LYN: variants seen among roughly 807,000 people sequenced by gnomAD.
The protein encoded by LYN is LYN proto-oncogene, Src family tyrosine kinase.
A neutral mutation model predicts 65.0 loss-of-function variants in LYN; 12 were observed. The ratio of observed to expected loss-of-function variants is 0.18; its 90% CI spans 0.12 to 0.30. LYN has a LOEUF of 0.30. LYN is among the 10% of genes least tolerant of loss of function. The pLI is 1.00. For missense variants in LYN, 380 were observed against 623.2 expected (o/e 0.61, Z 4.16); for synonymous variants, 222 against 221.2 (o/e 1.00, Z -0.03).
At chr8:55,915,452 C>T (rs1402216655) in intron 1 of LYN, among the ~76,000 whole-genome samples, 1 of 152,208 alleles carries the variant, frequency 6.6e-6, no homozygotes, top group East Asian at 1.9e-4. Context: ...TGCCTGTAAT[C>T]CCAACACTTT....
At position 55,950,571 on chromosome 8, in the gene LYN, T is replaced by G. The variant is rs1406272450; in HGVS notation, c.383+14T>G. 6.2e-7 allele frequency: 1 copy of G among 1,607,086 alleles called. No homozygotes were observed. Among genetic ancestry groups the G allele is most frequent in the Non-Finnish European group, 8.5e-7 (1 of 1,174,174 alleles). On this transcript the variant is annotated intron_variant, in intron 5 of 12. Transcript: ENST00000519728. The stretch of plus-strand genomic sequence containing the variant: ...AGAAACAGAAGAGTGAGTCCTCATG[T>G]GTTGTCATCTTGGTGGCTTTATTTG...
At chr8:55,997,396 AT>A (rs1355250851) in intron 10 of LYN, among the ~76,000 whole-genome samples, 2 of 152,134 alleles carry the variant, frequency 1.3e-5, no homozygotes, top group African/African-American at 4.8e-5. Context: ...AGAGACATTT[AT>A]TTCCCACAGT....
intron 10 of LYN, among the ~76,000 whole-genome samples, chr8:55,982,181 T>C (rs900094617): frequency 6.6e-6 from 1 of 152,218 alleles, no homozygotes; most frequent in African/African-American, 2.4e-5. Context: ...TGTAACATCA[T>C]TATCTGGCAA....
At chr8:55,945,773 T>G (rs1302705030) in intron 2 of LYN, among the ~76,000 whole-genome samples, 1 of 152,244 alleles carries the variant, frequency 6.6e-6, no homozygotes, top group Admixed American at 6.5e-5. Context: ...GTCCCTGTGA[T>G]GGAGTCAGGG....
rs183241306 is a variant in LYN at position 55,974,919 on chromosome 8, G to A, written c.1050+5126G>A. 1.9e-3 allele frequency among the ~76,000 whole-genome samples: 285 copies of A among 152,160 alleles called. 4 individuals are homozygous for A. The highest frequency in any genetic ancestry group is 6.3e-3 in the African/African-American group (263 of 41,508). On this transcript the variant is annotated intron_variant, in intron 10 of 12. Coordinates refer to ENST00000519728, the MANE Select transcript of LYN (RefSeq NM_002350.4). The stretch of plus-strand genomic sequence containing the variant: ...GCCGCAGGTGATTGACATGGTTTGC[G>A]GTTTAACCAGGAGGCCAGATCCGCT...
intron 1 of LYN, among the ~76,000 whole-genome samples, chr8:55,880,607 G>C (rs970289142): frequency 1.1e-4 from 17 of 152,208 alleles, no homozygotes; most frequent in African/African-American, 3.6e-4. Flanking sequence ...GGCTCGGCCG[G>C]CGCCCTCTCG....
chr8:55,955,190 C>CAT (rs1810477806), intron 8 of LYN: 1 of 152,290 alleles, frequency 6.6e-6, no homozygotes, highest in African/African-American at 2.4e-5. Context: ...CCCCTGGGAT[C>CAT]ATAGCCTTGC....
chr8:55,914,768 A>G (rs952158723), intron 1 of LYN, among the ~76,000 whole-genome samples: 1 of 152,226 alleles, frequency 6.6e-6, no homozygotes, highest in African/African-American at 2.4e-5. Flanking sequence ...TTGGTAAAAT[A>G]AGAAAGGCCA....
chr8:55,888,653 C>T (rs530230236), intron 1 of LYN, among the ~76,000 whole-genome samples: 22 of 152,250 alleles, frequency 1.4e-4, no homozygotes, highest in Admixed American at 1.3e-3. Context: ...AGCTTGTAAT[C>T]GTCATCTGCA....
Position 55,880,052 on chromosome 8 carries a change from G to T in LYN, c.-57G>T. ...GCCGCCCCGTCGCGCCCCCCACTCT[G>T]AACTCAAGTCACCGTGGAGCTCCGC... On this transcript the variant is annotated 5_prime_UTR_variant, in exon 1 of 13. Coordinates refer to ENST00000519728, the MANE Select transcript of LYN (RefSeq NM_002350.4). 2 of 318,360 alleles carry T rather than the reference G, an allele frequency of 6.3e-6. No individual in the cohort carries two copies. Among genetic ancestry groups the T allele is most frequent in the South Asian group, 2.2e-5 (1 of 44,752 alleles). 19.7% of individuals were successfully genotyped at this position (318,360 alleles called of 1,614,324 possible). A position where few individuals can be genotyped will look rare whatever the true frequency, so the allele number is the denominator to read the frequency against.
At chr8:56,008,960 T>G (rs1808745577) in intron 12 of LYN, among the ~76,000 whole-genome samples, 1 of 152,232 alleles carries the variant, frequency 6.6e-6, no homozygotes, top group Non-Finnish European at 1.5e-5. Flanking sequence ...GTCCTTCAGA[T>G]TAACTGAACC....
rs772624538 is a variant in LYN at position 55,950,456 on chromosome 8, T to C, written c.285-3T>C. ...TTCTTTTTGATGTGTATTTCTATTC[T>C]AGGCATGGAGAATGGTGGAAAGCAA... On this transcript the variant is annotated splice_polypyrimidine_tract_variant and splice_region_variant and intron_variant, in intron 4 of 12. Coordinates refer to ENST00000519728, the MANE Select transcript of LYN (RefSeq NM_002350.4). 8 of 1,602,742 alleles carry C rather than the reference T, an allele frequency of 5.0e-6. No individual in the cohort carries two copies. Among genetic ancestry groups the C allele is most frequent in the Non-Finnish European group, 6.0e-6 (7 of 1,174,094 alleles).
chr8:55,999,808 C>T (rs997912204), intron 12 of LYN, among the ~76,000 whole-genome samples: 2 of 151,944 alleles, frequency 1.3e-5, no homozygotes, highest in African/African-American at 4.8e-5. Flanking sequence ...CCCGTCTCTA[C>T]TAAAATTACA....
intron 3 of LYN, among the ~76,000 whole-genome samples, chr8:55,946,704 G>T (rs1454728890): frequency 6.6e-6 from 1 of 152,014 alleles, no homozygotes; most frequent in Non-Finnish European, 1.5e-5. Flanking sequence ...TCTCCAGAAT[G>T]CATCTTCTCA....
At chr8:55,961,224 T>C (rs1013052440) in intron 8 of LYN, among the ~76,000 whole-genome samples, 1 of 152,180 alleles carries the variant, frequency 6.6e-6, no homozygotes, top group Non-Finnish European at 1.5e-5. Flanking sequence ...ATTAGAGTGC[T>C]CTCAAGGTGC....
Position 55,935,160 on chromosome 8 carries a change from A to G in LYN, c.-5-6695A>G, listed in dbSNP as rs143502905. On this transcript the variant is annotated intron_variant, in intron 1 of 12. Transcript: ENST00000519728. ...CCCCCAAACACTGTTCCTATTACACATGACATTTAAACCTTAGGGAGTTAC... is the reference window on the plus strand; with the variant it reads ...CCCCCAAACACTGTTCCTATTACACGTGACATTTAAACCTTAGGGAGTTAC... Among the ~76,000 whole-genome samples the G allele has an allele frequency of 1.1e-4, 17 of 152,344 alleles. No individual in the cohort carries two copies. In the East Asian group the frequency reaches 3.1e-3, roughly 28 times the overall value.
chr8:55,892,742 C>A (rs1381859981), intron 1 of LYN, among the ~76,000 whole-genome samples: 1 of 152,074 alleles, frequency 6.6e-6, no homozygotes, highest in Non-Finnish European at 1.5e-5. Context: ...TTCTTTCTAA[C>A]AGGATTCGAG....
intron 1 of LYN, chr8:55,902,780 C>A (rs1226962659): frequency 1.9e-6 from 1 of 514,018 alleles, no homozygotes. Flanking sequence ...GGAAGCATAA[C>A]CTATCTCAAT....
At position 55,883,648 on chromosome 8, in the gene LYN, C is replaced by A. The variant is rs982257090; in HGVS notation, c.-6+3545C>A. The stretch of plus-strand genomic sequence containing the variant: ...GGGAGTGTCTCCCTGTAAACTTTGC[C>A]AACCTCCTGGTTGTTTTATCAGTGA... On this transcript the variant is annotated intron_variant, in intron 1 of 12. Transcript: ENST00000519728. 1.6e-4 allele frequency among the ~76,000 whole-genome samples: 24 copies of A among 152,164 alleles called. 1 individual carries two copies. The highest frequency in any genetic ancestry group is 5.5e-4 in the African/African-American group (23 of 41,446).
Sources: allele counts gnomAD v4.1 joint callset (sites outside exome capture counted in the v4.1 genomes callset), GRCh38; gene constraint gnomAD v4.1.1; transcripts MANE v1.5; gene names NCBI Gene and HGNC (gene_info 2026-07-23, HGNC 2026-07-21).